GASK1B: variants seen among roughly 807,000 people sequenced by gnomAD.
GASK1B encodes the protein Golgi-associated kinase 1B.
Under a neutral mutation model 42.8 loss-of-function variants are expected in GASK1B, and 34 were observed. That is an observed-to-expected ratio of 0.79 (90% CI 0.60 to 1.06). GASK1B has a LOEUF of 1.06. Ranked by LOEUF, GASK1B falls within the 50% of genes least tolerant of loss-of-function variation. The pLI is 0.00. For missense variants in GASK1B, 686 were observed against 661.0 expected (o/e 1.04, Z -0.42); for synonymous variants, 262 against 259.1 (o/e 1.01, Z -0.11).
At chr4:158,129,982 A>AATAG (rs1397341160) in intron 4 of GASK1B, among the ~76,000 whole-genome samples, 1 of 152,144 alleles carries the variant, frequency 6.6e-6, no homozygotes, top group Non-Finnish European at 1.5e-5. Context: ...CTTTATTTCC[A>AATAG]ATAGATGTAT....
intron 3 of GASK1B, among the ~76,000 whole-genome samples, chr4:158,141,568 G>A (rs1657506723): frequency 6.7e-6 from 1 of 149,984 alleles, no homozygotes; most frequent in African/African-American, 2.5e-5. Flanking sequence ...CCAAAAGGGA[G>A]ATTCATAGGT....
At chr4:158,137,806 A>G (rs965970530) in intron 3 of GASK1B, among the ~76,000 whole-genome samples, 1 of 152,130 alleles carries the variant, frequency 6.6e-6, no homozygotes, top group African/African-American at 2.4e-5. Flanking sequence ...CTCTGCTGCC[A>G]TGACAACAGG....
In GASK1B at chr4:158,126,399, A is replaced by C. The variant is rs1286449195; in HGVS notation, c.*1008T>G. On this transcript the variant is annotated 3_prime_UTR_variant, in exon 5 of 5. Coordinates refer to ENST00000585682, the MANE Select transcript of GASK1B (RefSeq NM_001128424.2). ...TTAACTTATTTTGCTCATATTACTC[A>C]TGTTGAAATAAGCCAGATAATATAT... 1 of 152,170 alleles carries C rather than the reference A, an allele frequency of 6.6e-6. No individual in the cohort carries two copies. Among genetic ancestry groups the C allele is most frequent in the African/African-American group, 2.4e-5 (1 of 41,460 alleles). 9.4% of individuals were successfully genotyped at this position (152,170 alleles called of 1,614,324 possible).
At chr4:158,150,539 G>A (rs1263131161) in intron 3 of GASK1B, among the ~76,000 whole-genome samples, 3 of 152,104 alleles carry the variant, frequency 2.0e-5, no homozygotes, top group South Asian at 2.1e-4. Context: ...TCTGACCCAG[G>A]AGTCTCATAT....
chr4:158,135,214 A>G (rs1288346673), intron 3 of GASK1B, among the ~76,000 whole-genome samples: 1 of 150,266 alleles, frequency 6.7e-6, no homozygotes. Context: ...CCAGCTACTC[A>G]GGAGGCTGAG....
intron 3 of GASK1B, among the ~76,000 whole-genome samples, chr4:158,145,174 G>T (rs183741888): frequency 2.0e-5 from 3 of 152,274 alleles, no homozygotes; most frequent in East Asian, 3.9e-4. Flanking sequence ...ACAATGATTG[G>T]TTGGAATTTT....
intron 3 of GASK1B, among the ~76,000 whole-genome samples, chr4:158,150,540 A>G (rs373462071): frequency 2.7e-4 from 41 of 152,266 alleles, no homozygotes; most frequent in African/African-American, 9.1e-4. Flanking sequence ...CTGACCCAGG[A>G]GTCTCATATC....
chr4:158,148,983 T>C (rs913700607), intron 3 of GASK1B, among the ~76,000 whole-genome samples: 1 of 152,190 alleles, frequency 6.6e-6, no homozygotes, highest in Non-Finnish European at 1.5e-5. Context: ...GAATCATATC[T>C]CTTAGAGGCA....
intron 2 of GASK1B, among the ~76,000 whole-genome samples, chr4:158,161,115 A>G (rs1259492876): frequency 2.6e-5 from 4 of 152,024 alleles, no homozygotes; most frequent in Admixed American, 1.3e-4. Context: ...GTTTCACCCA[A>G]AAAAAATCAT....
chr4:158,136,131 A>G (rs1730880418), intron 3 of GASK1B, among the ~76,000 whole-genome samples: 1 of 152,168 alleles, frequency 6.6e-6, no homozygotes, highest in South Asian at 2.1e-4. Context: ...ATAAAGTGGC[A>G]TGGGTCCTTG....
chr4:158,165,878 A>T (rs1732211860), intron 2 of GASK1B, among the ~76,000 whole-genome samples: 1 of 152,188 alleles, frequency 6.6e-6, no homozygotes, highest in Non-Finnish European at 1.5e-5. Flanking sequence ...TCTGCTATGT[A>T]AAATTGTTAG....
chr4:158,151,210 A>C (rs756983834), intron 3 of GASK1B, among the ~76,000 whole-genome samples: 7 of 152,238 alleles, frequency 4.6e-5, no homozygotes, highest in Non-Finnish European at 1.0e-4. Context: ...AAGCCTTATA[A>C]AATGTGAGGA....
chr4:158,127,404 T>C lies in GASK1B; in HGVS notation c.*3A>G. 1 of 1,610,212 alleles carries C rather than the reference T, an allele frequency of 6.2e-7. No individual in the cohort carries two copies. Among genetic ancestry groups the C allele is most frequent in the Admixed American group, 1.7e-5 (1 of 59,584 alleles). ...CTAACACCCTAGCCAGAAGATTCTT[T>C]TGTCATTCATTCATAGGTAATACTT... On this transcript the variant is annotated 3_prime_UTR_variant, in exon 5 of 5. Transcript: ENST00000585682.
At chr4:158,141,037 TTTAATTCAGACG>T (rs1731093767) in intron 3 of GASK1B, among the ~76,000 whole-genome samples, 2 of 152,202 alleles carry the variant, frequency 1.3e-5, no homozygotes, top group African/African-American at 4.8e-5. Context: ...CATTTCCTTC[TTTAATTCAGACG>T]GATTCAAGAG....
rs1345923333 is a variant in GASK1B at position 158,124,976 on chromosome 4, TTA to T, written c.*2429_*2430del. On this transcript the variant is annotated 3_prime_UTR_variant, in exon 5 of 5. Coordinates refer to ENST00000585682, the MANE Select transcript of GASK1B (RefSeq NM_001128424.2). ...ATGTCTGCTAAGGTAAATTATTATA[TTA>T]TAAGTTTGTTATGAAGTTATAAATA... 6.6e-6 allele frequency: 1 copy of T among 152,122 alleles called. No individual in the cohort carries two copies. Among genetic ancestry groups the T allele is most frequent in the Non-Finnish European group, 1.5e-5 (1 of 68,004 alleles). 9.4% of individuals were successfully genotyped at this position (152,122 alleles called of 1,614,324 possible). A position where few individuals can be genotyped will look rare whatever the true frequency, so the allele number is the denominator to read the frequency against.
At chr4:158,145,719 C>T (rs776093662) in intron 3 of GASK1B, among the ~76,000 whole-genome samples, 36 of 152,112 alleles carry the variant, frequency 2.4e-4, no homozygotes, top group Non-Finnish European at 4.6e-4. Context: ...TTGTATAACT[C>T]CTGAGGGCTG....
chr4:158,171,051 T>C lies in GASK1B; in HGVS notation c.325A>G (p.Ile109Val), dbSNP rs767052200. Residue 109 changes from isoleucine (I) to valine (V), a missense_variant, in exon 2 of 5, where the codon ATT becomes GTT. Coordinates refer to ENST00000585682, the MANE Select transcript of GASK1B (RefSeq NM_001128424.2). ...GSTLQPNVVY[I>V]TLRSKRSKPA... ...TTGCTGCGCTTGGAGCGTAGGGTAA[T>C]GTACACCACATTGGGCTGCAGAGTG... 1 of 1,613,362 alleles carries C rather than the reference T, an allele frequency of 6.2e-7. No individual in the cohort carries two copies. The highest frequency in any genetic ancestry group is 1.3e-5 in the African/African-American group (1 of 75,016).
At chr4:158,160,475 A>G (rs1275070820) in intron 2 of GASK1B, among the ~76,000 whole-genome samples, 3 of 152,082 alleles carry the variant, frequency 2.0e-5, no homozygotes, top group Non-Finnish European at 4.4e-5. Flanking sequence ...GGGTTTGGAG[A>G]AAAGGGAACC....
chr4:158,168,802 TCTC>T (rs971021277), intron 2 of GASK1B: 2 of 152,204 alleles, frequency 1.3e-5, no homozygotes. Context: ...GAGTTCATCT[TCTC>T]CTCTCTGGGG....
Sources: gnomAD v4.1 joint callset for allele counts (sites outside exome capture counted in the v4.1 genomes callset) on GRCh38, gnomAD v4.1.1 for gene constraint, MANE v1.5 for transcripts, NCBI Gene and HGNC (gene_info 2026-07-23, HGNC 2026-07-21) for gene names.